The following ASIC2 variants were observed in gnomAD, a reference collection of about 807,000 sequenced individuals.
ASIC2 encodes acid sensing ion channel subunit 2.
ASIC2 carries 25 observed loss-of-function variants against 57.3 expected under a neutral mutation model. The ratio of observed to expected loss-of-function variants is 0.44; its 90% CI spans 0.32 to 0.61. The LOEUF (loss-of-function observed/expected upper bound fraction) is 0.61, where lower values mean the gene tolerates loss of function less well. ASIC2 is among the 20% of genes least tolerant of loss of function. The probability of loss-of-function intolerance (pLI) is 0.06; values close to 1 mark genes in which losing one functional copy is unlikely to be tolerated. For missense variants in ASIC2, 641 were observed against 738.1 expected (o/e 0.87, Z 1.52); for synonymous variants, 319 against 307.5 (o/e 1.04, Z -0.39).
chr17:33,808,249 G>A (rs530738494), intron 1 of ASIC2, among the ~76,000 whole-genome samples: 10 of 152,218 alleles, frequency 6.6e-5, no homozygotes, highest in South Asian at 2.1e-4. Context: ...TTTTGCATGC[G>A]AATGCTGTCC....
chr17:33,542,759 C>A (rs1405959239), intron 1 of ASIC2, among the ~76,000 whole-genome samples: 1 of 132,970 alleles, frequency 7.5e-6, no homozygotes, highest in Non-Finnish European at 1.6e-5. Context: ...AATTAGATCC[C>A]ATTTGTCAAT....
chr17:33,506,128 C>A (rs554566904), intron 1 of ASIC2, among the ~76,000 whole-genome samples: 3 of 151,574 alleles, frequency 2.0e-5, no homozygotes, highest in Non-Finnish European at 4.4e-5. Context: ...GGTGTGGTGG[C>A]TCACGCCTGT....
At chr17:33,966,735 C>G (rs1905086332) in intron 1 of ASIC2, among the ~76,000 whole-genome samples, 2 of 152,246 alleles carry the variant, frequency 1.3e-5, no homozygotes, top group Admixed American at 1.3e-4. Context: ...GCTTCTTTGA[C>G]TCCTTCTGTT....
At chr17:34,056,181 G>C (rs1350754199) in intron 1 of ASIC2, among the ~76,000 whole-genome samples, 2 of 152,172 alleles carry the variant, frequency 1.3e-5, no homozygotes, top group African/African-American at 4.8e-5. Flanking sequence ...CTGCAATTAA[G>C]AAAGTGGAGG....
intron 1 of ASIC2, among the ~76,000 whole-genome samples, chr17:33,698,205 A>G (rs7221867): frequency 0.29 from 43,489 of 152,082 alleles, 6,458 homozygotes; most frequent in African/African-American, 0.36. Context: ...TTCATTAGGA[A>G]TGAATCCCTA....
At chr17:34,130,064 C>A (rs1235307992) in intron 1 of ASIC2, among the ~76,000 whole-genome samples, 1 of 152,192 alleles carries the variant, frequency 6.6e-6, no homozygotes, top group East Asian at 1.9e-4. Context: ...TACTTTAAGG[C>A]TATTGCTCTG....
chr17:33,731,729 G>T (rs1036916685), intron 1 of ASIC2, among the ~76,000 whole-genome samples: 57 of 152,206 alleles, frequency 3.7e-4, no homozygotes, highest in African/African-American at 1.1e-3. Flanking sequence ...TCTCAGCTTA[G>T]GCCCTTTCCT....
At chr17:33,220,794 G>A (rs574792913) in intron 1 of ASIC2, among the ~76,000 whole-genome samples, 2 of 152,120 alleles carry the variant, frequency 1.3e-5, no homozygotes, top group Non-Finnish European at 2.9e-5. Context: ...AGGGCCAGGC[G>A]CCGTGGCTCA....
chr17:34,099,506 AAAG>A (rs1910737537), intron 1 of ASIC2, among the ~76,000 whole-genome samples: 2 of 145,790 alleles, frequency 1.4e-5, no homozygotes, highest in East Asian at 2.0e-4. Flanking sequence ...AGGAAAGAGG[AAAG>A]AAGAGAAAGA....
chr17:33,142,908 A>G (rs906360766), intron 1 of ASIC2, among the ~76,000 whole-genome samples: 1 of 152,220 alleles, frequency 6.6e-6, no homozygotes, highest in African/African-American at 2.4e-5. Context: ...AGGGTTGGTC[A>G]CTGTCCATGG....
In ASIC2 at chr17:33,882,097, G is replaced by A. The variant is rs918422901; in HGVS notation, c.555+273881C>T. On this transcript the variant is annotated intron_variant, in intron 1 of 9. Transcript: ENST00000359872. ...ACTGGATCCCTTCCTTACACCTTAT[G>A]CAAAAATTAATTCAAGATGGATTAA... Among the ~76,000 whole-genome samples, 1,053 of 152,106 alleles carry A rather than the reference G, an allele frequency of 6.9e-3. 8 individuals carry two copies. Among genetic ancestry groups the A allele is most frequent in the Middle Eastern group, 0.01 (3 of 292 alleles).
chr17:33,464,482 CTCTT>C lies in ASIC2; in HGVS notation c.556-352419_556-352416del, dbSNP rs1211673507. ...CTCTTTCTTTCTTTCTTTCTTTTCTCTCTTTCTTTCTTTCTTTCTTTCTTTCTTT... is the reference window on the plus strand; with the variant it reads ...CTCTTTCTTTCTTTCTTTCTTTTCTCTCTTTCTTTCTTTCTTTCTTTCTTT... On this transcript the variant is annotated intron_variant, in intron 1 of 9. Transcript: ENST00000359872. 1.7e-4 allele frequency among the ~76,000 whole-genome samples: 11 copies of C among 63,634 alleles called. No individual in the cohort carries two copies. The East Asian group carries it at 2.8e-3, about 16-fold the overall frequency. 41.7% of individuals were successfully genotyped at this position (63,634 alleles called of 152,430 possible).
chr17:34,080,794 A>ATTG (rs1315316942), intron 1 of ASIC2: 13 of 152,228 alleles, frequency 8.5e-5, no homozygotes, highest in Non-Finnish European at 1.3e-4. Context: ...CATTGAATGA[A>ATTG]TTAGCAGCAA....
chr17:33,953,019 C>A (rs1214905741), intron 1 of ASIC2, among the ~76,000 whole-genome samples: 2 of 152,010 alleles, frequency 1.3e-5, no homozygotes, highest in African/African-American at 2.4e-5. Flanking sequence ...AAATGACTAT[C>A]ATATATTATT....
At chr17:33,203,331 T>C (rs1906949231) in intron 1 of ASIC2, among the ~76,000 whole-genome samples, 1 of 152,232 alleles carries the variant, frequency 6.6e-6, no homozygotes, top group Non-Finnish European at 1.5e-5. Context: ...TTTTAGGCAT[T>C]CTGGGTAGCA....
intron 1 of ASIC2, chr17:34,037,755 G>C: frequency 6.2e-7 from 1 of 1,614,090 alleles, no homozygotes; most frequent in Non-Finnish European, 8.5e-7. Context: ...ACATCAATGC[G>C]GTCCTCCTTT....
intron 3 of ASIC2, among the ~76,000 whole-genome samples, chr17:33,044,707 G>C (rs943720088): frequency 2.0e-5 from 3 of 152,204 alleles, no homozygotes; most frequent in Non-Finnish European, 4.4e-5. Context: ...AACACTGCTA[G>C]GAATTGAGGC....
At chr17:33,706,936 C>G (rs572940850) in intron 1 of ASIC2, among the ~76,000 whole-genome samples, 1 of 152,224 alleles carries the variant, frequency 6.6e-6, no homozygotes, top group Admixed American at 6.5e-5. Flanking sequence ...TTCGTTGTGC[C>G]TCATTAAAAT....
chr17:33,827,337 C>CTTTTT lies in ASIC2; in HGVS notation c.555+328636_555+328640dup, dbSNP rs375695905. On this transcript the variant is annotated intron_variant, in intron 1 of 9. Transcript: ENST00000359872. The stretch of plus-strand genomic sequence containing the variant: ...GGACTAGGTCCTGTTGCAGCTCACT[C>CTTTTT]TTTTTTTTTTTTGAGACAGAGTCTT... Among the ~76,000 whole-genome samples, 58 of 76,534 alleles carry CTTTTT rather than the reference C, an allele frequency of 7.6e-4. 8 individuals are homozygous for CTTTTT. The East Asian group carries it at 0.01, about 14-fold the overall frequency. The allele number at this position is 76,534 out of a possible 152,430, so 50.2% of individuals were successfully genotyped here.
Sources: gnomAD v4.1 joint callset for allele counts (sites outside exome capture counted in the v4.1 genomes callset) on GRCh38, gnomAD v4.1.1 for gene constraint, MANE v1.5 for transcripts, NCBI Gene and HGNC (gene_info 2026-07-23, HGNC 2026-07-21) for gene names.